Variants in HPGDS observed in about 807,000 individuals in gnomAD.
The protein encoded by HPGDS is GST class-sigma.
HPGDS carries 26 observed loss-of-function variants against 23.1 expected under a neutral mutation model. The observed-to-expected ratio is 1.13, with a 90% CI of 0.83 to 1.56. The LOEUF (loss-of-function observed/expected upper bound fraction) is 1.56, where lower values mean the gene tolerates loss of function less well. Among genes scored for constraint, HPGDS ranks in the 40% most tolerant of loss-of-function variants. The pLI, the probability that HPGDS is intolerant of heterozygous loss-of-function variation, is 0.00. For synonymous variants in HPGDS, 95 were observed against 77.9 expected, an observed-to-expected ratio of 1.22 and a Z score of -1.16; for missense variants, 268 against 236.4, an observed-to-expected ratio of 1.13 and a Z score of -0.88.
intron 1 of HPGDS, among the ~76,000 whole-genome samples, chr4:94,335,475 C>A (rs1265760716): frequency 2.6e-5 from 4 of 152,108 alleles, no homozygotes; most frequent in Admixed American, 2.6e-4. Context: ...ATTTTAATTT[C>A]GTAAGATCAA....
At chr4:94,331,006 A>C (rs1756726045) in intron 2 of HPGDS, among the ~76,000 whole-genome samples, 1 of 152,224 alleles carries the variant, frequency 6.6e-6, no homozygotes, top group Admixed American at 6.5e-5. Flanking sequence ...ACACACAAAA[A>C]TCAGAAGTGA....
intron 3 of HPGDS, among the ~76,000 whole-genome samples, chr4:94,310,606 T>A (rs1195580545): frequency 6.6e-6 from 1 of 152,228 alleles, no homozygotes; most frequent in Non-Finnish European, 1.5e-5. Flanking sequence ...TAGGATTGAC[T>A]TGGCAATGCA....
At position 94,299,400 on chromosome 4, in the gene HPGDS, T is replaced by G. The variant is rs1755985858; in HGVS notation, c.*80A>C. ...AGCTGGGGAGGGAGCATGTGGATTA[T>G]CTGGCAGGCTGATGTAGCTGTCTTA... is the stretch of plus-strand genomic sequence containing the variant. On this transcript the variant is annotated 3_prime_UTR_variant, in exon 6 of 6. Transcript: ENST00000295256. 1.6e-6 allele frequency: 2 copies of G among 1,252,600 alleles called. No individual in the cohort carries two copies. Among genetic ancestry groups the G allele is most frequent in the South Asian group, 1.9e-5 (1 of 53,348 alleles). The allele number at this position is 1,252,600 out of a possible 1,614,324, so 77.6% of individuals were successfully genotyped here.
At chr4:94,308,077 T>C (rs191768688) in intron 4 of HPGDS, among the ~76,000 whole-genome samples, 5 of 152,244 alleles carry the variant, frequency 3.3e-5, no homozygotes, top group Admixed American at 2.6e-4. Context: ...ATGAGATATA[T>C]AGGGGATGGG....
chr4:94,303,328 G>C (rs977781415), intron 4 of HPGDS, among the ~76,000 whole-genome samples: 1 of 152,124 alleles, frequency 6.6e-6, no homozygotes, highest in Admixed American at 6.6e-5. Flanking sequence ...GAAATGCTCA[G>C]GGGAACATCT....
intron 2 of HPGDS, among the ~76,000 whole-genome samples, chr4:94,320,792 T>G (rs1756490158): frequency 6.6e-6 from 1 of 152,212 alleles, no homozygotes. Flanking sequence ...CAATTTTGGC[T>G]TTTGTTGCCA....
chr4:94,310,874 A>C (rs1756253685), intron 3 of HPGDS, among the ~76,000 whole-genome samples: 1 of 152,126 alleles, frequency 6.6e-6, no homozygotes, highest in Admixed American at 6.5e-5. Context: ...TTGGATTCCT[A>C]GGTATTTTAT....
intron 4 of HPGDS, among the ~76,000 whole-genome samples, chr4:94,305,482 A>G (rs751669520): frequency 5.9e-5 from 9 of 152,130 alleles, no homozygotes; most frequent in Non-Finnish European, 8.8e-5. Context: ...ATTAAATAGT[A>G]TTTACAATAA....
At chr4:94,310,560 G>A (rs949770099) in intron 3 of HPGDS, among the ~76,000 whole-genome samples, 38 of 152,048 alleles carry the variant, frequency 2.5e-4, no homozygotes, top group African/African-American at 6.8e-4. Context: ...GTTTGAAGTC[G>A]GGTAGCGTGA....
intron 2 of HPGDS, among the ~76,000 whole-genome samples, chr4:94,321,713 G>A (rs1413193608): frequency 6.6e-6 from 1 of 152,136 alleles, no homozygotes; most frequent in African/African-American, 2.4e-5. Context: ...CTGAAAACAG[G>A]GACAATTTGA....
chr4:94,319,443 G>A (rs1384310336), intron 2 of HPGDS, among the ~76,000 whole-genome samples: 1 of 152,094 alleles, frequency 6.6e-6, no homozygotes, highest in Non-Finnish European at 1.5e-5. Flanking sequence ...GCAGCAGATA[G>A]TTGGCTTGTA....
intron 1 of HPGDS, among the ~76,000 whole-genome samples, chr4:94,340,305 C>CTTTTTCT (rs781532046): frequency 1.5e-4 from 4 of 26,200 alleles, no homozygotes; most frequent in Non-Finnish European, 2.1e-4. Context: ...TTCTTTCTTT[C>CTTTTTCT]TTTCTCTTTT....
intron 4 of HPGDS, among the ~76,000 whole-genome samples, chr4:94,307,610 C>T (rs1756162770): frequency 6.6e-6 from 1 of 152,248 alleles, no homozygotes. Context: ...ATGATGACAG[C>T]TGTGCAGAAA....
At chr4:94,305,396 T>TCACA (rs1756121343) in intron 4 of HPGDS, among the ~76,000 whole-genome samples, 1 of 152,076 alleles carries the variant, frequency 6.6e-6, no homozygotes, top group Admixed American at 6.6e-5. Flanking sequence ...CCTACACACC[T>TCACA]TACATTTATA....
chr4:94,315,107 CCT>C (rs1489520026), intron 3 of HPGDS, among the ~76,000 whole-genome samples: 1 of 152,176 alleles, frequency 6.6e-6, no homozygotes, highest in Non-Finnish European at 1.5e-5. Flanking sequence ...GATGCCTCAC[CCT>C]GTTTCAGCTC....
intron 2 of HPGDS, among the ~76,000 whole-genome samples, chr4:94,322,716 C>T (rs1262261256): frequency 2.0e-5 from 3 of 151,904 alleles, no homozygotes; most frequent in African/African-American, 4.8e-5. Flanking sequence ...AAAATAAGCT[C>T]CTGGGTTCGC....
chr4:94,340,496 G>A (rs1273461541), intron 1 of HPGDS, among the ~76,000 whole-genome samples: 12 of 144,494 alleles, frequency 8.3e-5, no homozygotes, highest in African/African-American at 2.5e-4. Flanking sequence ...GCGCCACCAC[G>A]CCCAGCTAAT....
chr4:94,325,050 G>C (rs550212036), intron 2 of HPGDS, among the ~76,000 whole-genome samples: 25 of 152,304 alleles, frequency 1.6e-4, no homozygotes, highest in Non-Finnish European at 3.2e-4. Flanking sequence ...TTTGCTGGAG[G>C]TCCACTCCAG....
chr4:94,312,746 A>G (rs142614300), intron 3 of HPGDS, among the ~76,000 whole-genome samples: 3,759 of 151,966 alleles, frequency 0.025, 102 homozygotes, highest in African/African-American at 0.074. Flanking sequence ...GGGTGTTAAA[A>G]TCTCCCATTA....
Sources: allele counts gnomAD v4.1 joint callset (sites outside exome capture counted in the v4.1 genomes callset), GRCh38; gene constraint gnomAD v4.1.1; transcripts MANE v1.5; gene names NCBI Gene and HGNC (gene_info 2026-07-23, HGNC 2026-07-21).